The following DOK6 variants were observed in gnomAD, a reference collection of about 807,000 sequenced individuals.
DOK6 encodes downstream of tyrosine kinase 6.
A neutral mutation model predicts 44.0 loss-of-function variants in DOK6; 22 were observed. The ratio of observed to expected loss-of-function variants is 0.50; its 90% confidence interval spans 0.36 to 0.71. The LOEUF (loss-of-function observed/expected upper bound fraction) is 0.71, where lower values mean the gene tolerates loss of function less well. Ranked by LOEUF, DOK6 falls within the 30% of genes least tolerant of loss-of-function variation. The pLI, the probability that DOK6 is intolerant of heterozygous loss-of-function variation, is 0.00. For synonymous variants in DOK6, 166 were observed against 145.5 expected, an observed-to-expected ratio of 1.14 and a Z score of -1.01; for missense variants, 340 against 416.4, an observed-to-expected ratio of 0.82 and a Z score of 1.60.
At chr18:69,484,582 T>C (rs1599153184) in intron 1 of DOK6, among the ~76,000 whole-genome samples, 1 of 152,292 alleles carries the variant, frequency 6.6e-6, no homozygotes, top group South Asian at 2.1e-4. Context: ...GGTTGGGTTC[T>C]CAGAGCCTCA....
intron 1 of DOK6, among the ~76,000 whole-genome samples, chr18:69,403,001 A>G (rs1916132552): frequency 1.3e-5 from 2 of 152,286 alleles, no homozygotes; most frequent in South Asian, 4.1e-4. Context: ...GGTGGAAGGG[A>G]GTCGTCTTCT....
chr18:69,792,229 A>G (rs1980622318), intron 7 of DOK6, among the ~76,000 whole-genome samples: 2 of 152,036 alleles, frequency 1.3e-5, no homozygotes, highest in Admixed American at 6.6e-5. Context: ...AGCTTTGGCT[A>G]TTCTGTATCT....
intron 3 of DOK6, among the ~76,000 whole-genome samples, chr18:69,632,694 T>C (rs1984716467): frequency 6.6e-6 from 1 of 152,226 alleles, no homozygotes; most frequent in Non-Finnish European, 1.5e-5. Flanking sequence ...AAGTACACAA[T>C]TTCAGTAGCC....
intron 1 of DOK6, among the ~76,000 whole-genome samples, chr18:69,470,481 C>T (rs1041231091): frequency 6.6e-6 from 1 of 152,268 alleles, no homozygotes; most frequent in Middle Eastern, 3.4e-3. Flanking sequence ...CGGTGGCCCC[C>T]AGGCGCACCT....
At chr18:69,683,738 T>G (rs938470215) in intron 4 of DOK6, among the ~76,000 whole-genome samples, 3 of 152,246 alleles carry the variant, frequency 2.0e-5, no homozygotes, top group Non-Finnish European at 4.4e-5. Flanking sequence ...ATATTACTGT[T>G]ATTTTAAGCC....
At chr18:69,522,162 T>A (rs1010256847) in intron 1 of DOK6, among the ~76,000 whole-genome samples, 2 of 151,878 alleles carry the variant, frequency 1.3e-5, no homozygotes, top group Non-Finnish European at 2.9e-5. Context: ...AGTGTCTTTA[T>A]GTTTGCGTGC....
intron 1 of DOK6, among the ~76,000 whole-genome samples, chr18:69,552,641 T>C (rs1343788656): frequency 6.6e-6 from 1 of 152,236 alleles, no homozygotes; most frequent in Non-Finnish European, 1.5e-5. Context: ...TTCATACTGG[T>C]TGTTCTTTAT....
chr18:69,680,876 T>C (rs1356147737), intron 4 of DOK6, among the ~76,000 whole-genome samples: 1 of 148,828 alleles, frequency 6.7e-6, no homozygotes, highest in Non-Finnish European at 1.5e-5. Flanking sequence ...GAAAGCATTT[T>C]AGCTAACTGA....
At chr18:69,407,741 A>T (rs1393222578) in intron 1 of DOK6, among the ~76,000 whole-genome samples, 1 of 152,240 alleles carries the variant, frequency 6.6e-6, no homozygotes, top group Non-Finnish European at 1.5e-5. Flanking sequence ...TTTACATGGT[A>T]CTTGCAATGA....
intron 1 of DOK6, among the ~76,000 whole-genome samples, chr18:69,547,928 T>C (rs934090146): frequency 2.8e-5 from 4 of 144,286 alleles, no homozygotes; most frequent in African/African-American, 9.9e-5. Flanking sequence ...ATATATAATA[T>C]ATAATATATA....
chr18:69,619,407 G>A (rs1984387864), intron 3 of DOK6, among the ~76,000 whole-genome samples: 1 of 152,144 alleles, frequency 6.6e-6, no homozygotes, highest in African/African-American at 2.4e-5. Context: ...TTTTTGTGCC[G>A]TCATACCACC....
At chr18:69,427,217 C>T (rs978963935) in intron 1 of DOK6, among the ~76,000 whole-genome samples, 6 of 151,978 alleles carry the variant, frequency 3.9e-5, no homozygotes, top group Non-Finnish European at 8.8e-5. Flanking sequence ...TTTATGGCTG[C>T]ATAGCACTCC....
chr18:69,697,324 C>A (rs12962622), intron 4 of DOK6, among the ~76,000 whole-genome samples: 13,961 of 152,182 alleles, frequency 0.092, 935 homozygotes, highest in African/African-American at 0.19. Context: ...ATCTCTCAAA[C>A]TAATTAATTC....
At chr18:69,757,583 TTCA>T (rs58185516) in intron 6 of DOK6, among the ~76,000 whole-genome samples, 170 bp from the exon 7 acceptor site, 12,222 of 152,248 alleles carry the variant, frequency 0.08, 710 homozygotes, top group Non-Finnish European at 0.1. Flanking sequence ...AAGTATTCCT[TTCA>T]TATTTTTGAG....
At chr18:69,509,434 G>C (rs1284765722) in intron 1 of DOK6, among the ~76,000 whole-genome samples, 2 of 151,842 alleles carry the variant, frequency 1.3e-5, no homozygotes, top group Non-Finnish European at 1.5e-5. Context: ...TCAGGAGATC[G>C]AGACCATCCT....
chr18:69,579,387 TG>T (rs1160534652), intron 2 of DOK6, among the ~76,000 whole-genome samples: 1 of 152,200 alleles, frequency 6.6e-6, no homozygotes, highest in African/African-American at 2.4e-5. Context: ...AAAATGTAAC[TG>T]GATTTTCAAT....
chr18:69,597,958 T>G (rs1983785196), intron 2 of DOK6, among the ~76,000 whole-genome samples: 1 of 152,200 alleles, frequency 6.6e-6, no homozygotes, highest in Non-Finnish European at 1.5e-5. Context: ...CCTGATGACT[T>G]GGGTGATTTT....
intron 7 of DOK6, among the ~76,000 whole-genome samples, chr18:69,786,975 G>T (rs1980449812): frequency 6.6e-6 from 1 of 152,176 alleles, no homozygotes; most frequent in Non-Finnish European, 1.5e-5. Context: ...CAGCACTTTG[G>T]GTGGTTGAGG....
At chr18:69,726,851 TTAA>T (rs762306313) in intron 5 of DOK6, among the ~76,000 whole-genome samples, 22 of 131,914 alleles carry the variant, frequency 1.7e-4, no homozygotes, top group Admixed American at 5.6e-4. Context: ...GTGATCCTTT[TTAA>T]AAAAAAAAAA....
Sources: gnomAD v4.1 joint callset for allele counts (sites outside exome capture counted in the v4.1 genomes callset) on GRCh38, gnomAD v4.1.1 for gene constraint, MANE v1.5 for transcripts, NCBI Gene and HGNC (gene_info 2026-07-23, HGNC 2026-07-21) for gene names.